KCNIP1: variants seen among roughly 807,000 people sequenced by gnomAD.
KCNIP1 encodes potassium voltage-gated channel interacting protein 1, also known as A-type potassium channel modulatory protein KCNIP1.
KCNIP1 carries 18 observed loss-of-function variants against 33.0 expected under a neutral mutation model. The ratio of observed to expected loss-of-function variants is 0.55; its 90% CI spans 0.38 to 0.81. The LOEUF is 0.81. KCNIP1 is among the 30% of genes least tolerant of loss of function. The pLI is 0.00. For missense variants in KCNIP1, 238 were observed against 271.6 expected, an observed-to-expected ratio of 0.88 and a Z score of 0.87; for synonymous variants, 93 against 98.3, an observed-to-expected ratio of 0.95 and a Z score of 0.32.
At chr5:170,551,894 G>A (rs972825868) in intron 1 of KCNIP1, among the ~76,000 whole-genome samples, 1 of 151,666 alleles carries the variant, frequency 6.6e-6, no homozygotes, top group African/African-American at 2.4e-5. Context: ...GAATGTGTAC[G>A]AGTGTGTGAG....
chr5:170,697,188 C>T (rs543592522), intron 1 of KCNIP1, among the ~76,000 whole-genome samples: 1 of 152,260 alleles, frequency 6.6e-6, no homozygotes, highest in East Asian at 1.9e-4. Context: ...GCCCTGAATG[C>T]CTGCACTACA....
At chr5:170,544,505 T>C (rs1232797117) in intron 1 of KCNIP1, among the ~76,000 whole-genome samples, 2 of 152,128 alleles carry the variant, frequency 1.3e-5, no homozygotes, top group Non-Finnish European at 2.9e-5. Context: ...TCATTTTAGT[T>C]CTATCTTGTT....
chr5:170,710,896 C>G (rs1385067568), intron 1 of KCNIP1, among the ~76,000 whole-genome samples: 1 of 152,188 alleles, frequency 6.6e-6, no homozygotes, highest in Non-Finnish European at 1.5e-5. Context: ...TAAGAGCTTC[C>G]TCCCCTCAGC....
At chr5:170,638,295 G>A (rs1760380092) in intron 1 of KCNIP1, among the ~76,000 whole-genome samples, 3 of 152,078 alleles carry the variant, frequency 2.0e-5, no homozygotes, top group Admixed American at 2.0e-4. Context: ...TTGCTCGGTG[G>A]TCTTCAGCTT....
intron 1 of KCNIP1, among the ~76,000 whole-genome samples, chr5:170,441,685 G>A (rs1051717129): frequency 7.9e-5 from 12 of 152,078 alleles, no homozygotes; most frequent in African/African-American, 2.9e-4. Flanking sequence ...GAACAAGTGG[G>A]CCGGGCGCCG....
chr5:170,434,709 C>T (rs2113452459), intron 1 of KCNIP1, among the ~76,000 whole-genome samples: 1 of 152,288 alleles, frequency 6.6e-6, no homozygotes, highest in South Asian at 2.1e-4. Context: ...AATCCCAGCA[C>T]TTTGGGAGGC....
At chr5:170,690,444 G>A (rs1465877437) in intron 1 of KCNIP1, among the ~76,000 whole-genome samples, 1 of 152,184 alleles carries the variant, frequency 6.6e-6, no homozygotes, top group Non-Finnish European at 1.5e-5. Flanking sequence ...GAATTTCCAA[G>A]AATAGGGAAA....
At chr5:170,514,100 C>G (rs1338550318) in intron 1 of KCNIP1, among the ~76,000 whole-genome samples, 1 of 152,138 alleles carries the variant, frequency 6.6e-6, no homozygotes, top group Non-Finnish European at 1.5e-5. Context: ...GACAAGCAAG[C>G]CTCTGAGCCC....
chr5:170,618,295 T>C (rs1024167264), intron 1 of KCNIP1, among the ~76,000 whole-genome samples: 2 of 151,628 alleles, frequency 1.3e-5, no homozygotes, highest in Non-Finnish European at 2.9e-5. Flanking sequence ...TTCTGAGAGC[T>C]CAGGAGGGTC....
chr5:170,530,627 G>A (rs1218207722), intron 1 of KCNIP1, among the ~76,000 whole-genome samples: 1 of 152,266 alleles, frequency 6.6e-6, no homozygotes, highest in Non-Finnish European at 1.5e-5. Context: ...CTTTTTCTAA[G>A]TTTGGAGAAT....
intron 1 of KCNIP1, chr5:170,378,599 T>G: frequency 5.1e-6 from 6 of 1,181,680 alleles, no homozygotes; most frequent in Non-Finnish European, 7.2e-6. Context: ...ACTGGAAGAG[T>G]GGGAGGGCAG....
At chr5:170,364,778 G>A (rs1763612493) in intron 1 of KCNIP1, among the ~76,000 whole-genome samples, 1 of 152,140 alleles carries the variant, frequency 6.6e-6, no homozygotes, top group Admixed American at 6.5e-5. Flanking sequence ...TGTTTTAATG[G>A]AAAATGTCTA....
intron 1 of KCNIP1, among the ~76,000 whole-genome samples, chr5:170,490,684 A>G (rs1361445479): frequency 1.3e-5 from 2 of 152,158 alleles, no homozygotes; most frequent in Non-Finnish European, 2.9e-5. Context: ...AGGTTATTAA[A>G]AAATCTCACA....
rs56358014 is a variant in KCNIP1 at position 170,587,421 on chromosome 5, C to CAAAAAAAAAAAA, written c.61+82802_61+82813dup. Reference sequence around the variant, plus strand: ...TGGGCAACAGAGCGAGACTCTGTCTCAAAAAAAAAAAAAAAAAAAAAAAAA... The same window carrying CAAAAAAAAAAAA: ...TGGGCAACAGAGCGAGACTCTGTCTCAAAAAAAAAAAAAAAAAAAAAAAAAAAAAAAAAAAAA... On this transcript the variant is annotated intron_variant, in intron 1 of 7. Transcript: ENST00000328939. Among the ~76,000 whole-genome samples the CAAAAAAAAAAAA allele has an allele frequency of 5.2e-3, 365 of 70,320 alleles. 8 individuals carry two copies. The highest frequency in any genetic ancestry group is 9.3e-3 in the African/African-American group (171 of 18,402). 46.1% of individuals were successfully genotyped at this position (70,320 alleles called of 152,430 possible).
chr5:170,588,577 C>A (rs1219099757), intron 1 of KCNIP1, among the ~76,000 whole-genome samples: 1 of 152,184 alleles, frequency 6.6e-6, no homozygotes, highest in South Asian at 2.1e-4. Context: ...AGGCTCAGAG[C>A]AGGACCAAGA....
chr5:170,382,811 C>G (rs1306252266), intron 1 of KCNIP1: 4 of 152,436 alleles, frequency 2.6e-5, no homozygotes, highest in African/African-American at 9.7e-5. Context: ...CTGTTCTTCT[C>G]CCCGGTGCCA....
chr5:170,610,846 C>T (rs192609983), intron 1 of KCNIP1, among the ~76,000 whole-genome samples: 1 of 152,320 alleles, frequency 6.6e-6, no homozygotes, highest in East Asian at 1.9e-4. Context: ...GTCCATGTCT[C>T]CTGCCACCAT....
At chr5:170,512,505 C>T (rs898632713) in intron 1 of KCNIP1, among the ~76,000 whole-genome samples, 10 of 152,214 alleles carry the variant, frequency 6.6e-5, no homozygotes, top group African/African-American at 2.4e-4. Flanking sequence ...CTCTGCAACT[C>T]ATTAGCTGTG....
At chr5:170,665,757 C>A (rs1246243916) in intron 1 of KCNIP1, among the ~76,000 whole-genome samples, 2 of 152,186 alleles carry the variant, frequency 1.3e-5, no homozygotes, top group Non-Finnish European at 2.9e-5. Context: ...GTTTCTTAGG[C>A]TTCCCTCTGT....
Sources: gnomAD v4.1 joint callset for allele counts (sites outside exome capture counted in the v4.1 genomes callset) on GRCh38, gnomAD v4.1.1 for gene constraint, MANE v1.5 for transcripts, NCBI Gene and HGNC (gene_info 2026-07-23, HGNC 2026-07-21) for gene names.